The following SLC9A8 variants were observed in gnomAD, a reference collection of about 807,000 sequenced individuals.
The protein encoded by SLC9A8 is sodium/hydrogen exchanger 8.
Under a neutral mutation model 66.6 loss-of-function variants are expected in SLC9A8, and 48 were observed. That is an observed-to-expected ratio of 0.72 (90% confidence interval 0.57 to 0.92). The LOEUF (loss-of-function observed/expected upper bound fraction) is 0.92. Ranked by LOEUF, SLC9A8 falls within the 40% of genes least tolerant of loss-of-function variation. The pLI, the probability that SLC9A8 is intolerant of heterozygous loss-of-function variation, is 0.00. For synonymous variants in SLC9A8, 274 were observed against 282.6 expected (o/e 0.97, Z 0.31); for missense variants, 599 against 747.3 (o/e 0.80, Z 2.31).
intron 6 of SLC9A8, 132 bp from the exon 7 acceptor site, chr20:49,850,678 C>A: frequency 8.8e-7 from 1 of 1,131,750 alleles, no homozygotes; most frequent in Non-Finnish European, 1.2e-6. Flanking sequence ...TTTTATTTTT[C>A]AAGTGGTTTG....
intron 5 of SLC9A8, 76 bp from the exon 6 acceptor site, chr20:49,849,503 C>A: frequency 9.1e-7 from 1 of 1,096,740 alleles, no homozygotes; most frequent in Non-Finnish European, 1.4e-6. Flanking sequence ...CACGGAGGGC[C>A]AGGTGTGCAG....
chr20:49,861,490 C>T (rs2088732730), intron 8 of SLC9A8, among the ~76,000 whole-genome samples: 1 of 152,132 alleles, frequency 6.6e-6, no homozygotes, highest in Admixed American at 6.5e-5. Context: ...TTGCAGTGAG[C>T]TGAGATCATG....
In SLC9A8 at chr20:49,873,709, T is replaced by C. The variant is rs145054550; in HGVS notation, c.959-996T>C. On this transcript the variant is annotated intron_variant, in intron 10 of 15. Coordinates refer to ENST00000361573, the MANE Select transcript of SLC9A8 (RefSeq NM_015266.3). ...TTGCTTGAACCCAGGAGGGGGAGGT[T>C]GCAGTGAGTCGATTTCACGCTATTG... Among the ~76,000 whole-genome samples, 182 of 142,484 alleles carry C rather than the reference T, an allele frequency of 1.3e-3. 1 individual carries two copies. Among genetic ancestry groups the C allele is most frequent in the Non-Finnish European group, 2.3e-3 (151 of 66,484 alleles). The allele number at this position is 142,484 out of a possible 152,430, so 93.5% of individuals were successfully genotyped here.
Position 49,874,154 on chromosome 20 carries a change from C to T in SLC9A8, c.959-551C>T, listed in dbSNP as rs1327036326. Among the ~76,000 whole-genome samples the T allele has an allele frequency of 4.6e-5, 7 of 151,580 alleles. No homozygotes were observed. The South Asian group carries it at 1.0e-3, about 23-fold the overall frequency. On this transcript the variant is annotated intron_variant, in intron 10 of 15. Coordinates refer to ENST00000361573, the MANE Select transcript of SLC9A8 (RefSeq NM_015266.3). ...TAGTAGTCCCAGCTACTCAGGAGGC[C>T]GAGGCAGGAGGATCACATAAACCTG...
chr20:49,833,015 C>T (rs763418248), intron 3 of SLC9A8, among the ~76,000 whole-genome samples: 4 of 152,058 alleles, frequency 2.6e-5, no homozygotes, highest in Non-Finnish European at 5.9e-5. Context: ...AAGCGATTCT[C>T]CCACCTCAGC....
intron 1 of SLC9A8, 117 bp from the exon 2 acceptor site, chr20:49,814,891 T>TAGG (rs2146428237): frequency 2.6e-6 from 2 of 779,756 alleles, no homozygotes; most frequent in East Asian, 6.3e-5. Flanking sequence ...GCCTGCCTGT[T>TAGG]AAAGACTTCT....
intron 2 of SLC9A8, among the ~76,000 whole-genome samples, chr20:49,822,022 T>A (rs1332761190): frequency 1.3e-5 from 2 of 152,164 alleles, no homozygotes; most frequent in Non-Finnish European, 2.9e-5. Flanking sequence ...TCTAGAAGCC[T>A]CAGTTTTCTG....
At position 49,862,878 on chromosome 20, in the gene SLC9A8, A is replaced by G. The variant is rs373010175; in HGVS notation, c.714-51A>G. The G allele has an allele frequency of 1.1e-5, 16 of 1,409,438 alleles. 1 individual carries two copies. The East Asian group carries it at 1.2e-4, about 10-fold the overall frequency. 87.3% of individuals were successfully genotyped at this position (1,409,438 alleles called of 1,614,324 possible). On this transcript the variant is annotated intron_variant, in intron 8 of 15. Coordinates refer to ENST00000361573, the MANE Select transcript of SLC9A8 (RefSeq NM_015266.3). The stretch of plus-strand genomic sequence containing the variant: ...AAATGTTTTAAGTTAATTTCTAAGA[A>G]CTTTGTGTATATAACATTTTAATTT...
Position 49,883,853 on chromosome 20 carries a change from G to A in SLC9A8, c.1278G>A (p.Arg426=), listed in dbSNP as rs1214759120. Residue 426 remains arginine (R), a synonymous_variant, in exon 14 of 16, where the codon CGG becomes CGA. Transcript: ENST00000361573. The part of the protein sequence containing the change: ...MMFIMWFSGL[R]GAIPYALSLH... ...CTGTTTGCTGTCACCCAGGCCTGCG[G>A]GGAGCCATCCCCTATGCCCTGAGCC... 6.2e-7 allele frequency: 1 copy of A among 1,605,646 alleles called. No individual in the cohort carries two copies. Among genetic ancestry groups the A allele is most frequent in the Non-Finnish European group, 8.5e-7 (1 of 1,179,514 alleles).
At chr20:49,868,170 G>A (rs550809844) in intron 10 of SLC9A8, among the ~76,000 whole-genome samples, 1 of 152,340 alleles carries the variant, frequency 6.6e-6, no homozygotes, top group East Asian at 1.9e-4. Flanking sequence ...TGGCAAAGAT[G>A]TGTTTCATGC....
At chr20:49,823,358 C>G (rs2086810059) in intron 3 of SLC9A8, among the ~76,000 whole-genome samples, 1 of 152,078 alleles carries the variant, frequency 6.6e-6, no homozygotes, top group Non-Finnish European at 1.5e-5. Context: ...ATGTAGAAGC[C>G]CAAAGGCCAT....
chr20:49,838,644 G>C (rs1009708735), intron 3 of SLC9A8, among the ~76,000 whole-genome samples: 1 of 152,104 alleles, frequency 6.6e-6, no homozygotes, highest in Non-Finnish European at 1.5e-5. Context: ...TGCCCACCCA[G>C]TAAGCTGTGC....
At chr20:49,868,268 A>G (rs781497159) in intron 10 of SLC9A8, among the ~76,000 whole-genome samples, 16 of 152,054 alleles carry the variant, frequency 1.1e-4, no homozygotes, top group Admixed American at 7.2e-4. Context: ...GAGGGGTTTC[A>G]TTTCCTTAGG....
chr20:49,817,630 A>C (rs2146442959), intron 2 of SLC9A8, among the ~76,000 whole-genome samples: 1 of 152,278 alleles, frequency 6.6e-6, no homozygotes, highest in Admixed American at 6.5e-5. Flanking sequence ...CTGTCTCCAC[A>C]AAAAATAAAA....
chr20:49,844,401 T>C (rs2087892491), intron 4 of SLC9A8, among the ~76,000 whole-genome samples: 1 of 152,072 alleles, frequency 6.6e-6, no homozygotes, highest in Admixed American at 6.5e-5. Flanking sequence ...AATTGAAATT[T>C]TCTGTATTCA....
intron 10 of SLC9A8, among the ~76,000 whole-genome samples, chr20:49,870,396 C>A (rs2069705792): frequency 6.6e-6 from 1 of 152,152 alleles, no homozygotes; most frequent in South Asian, 2.1e-4. Context: ...GGCACTGGAG[C>A]CCAGACCTGT....
chr20:49,820,254 T>C (rs1447839983), intron 2 of SLC9A8, among the ~76,000 whole-genome samples: 4 of 152,172 alleles, frequency 2.6e-5, no homozygotes, highest in Middle Eastern at 3.4e-3. Flanking sequence ...TTTGGGAGGC[T>C]GAGGCGGGAA....
chr20:49,863,137 C>CAG, intron 9 of SLC9A8, 70 bp downstream of exon 9: 1 of 1,405,604 alleles, frequency 7.1e-7, no homozygotes, highest in Non-Finnish European at 9.5e-7. Flanking sequence ...TAGCCAGTTT[C>CAG]TCCTGTTTTT....
intron 8 of SLC9A8, among the ~76,000 whole-genome samples, chr20:49,856,995 G>A (rs190089923): frequency 6.6e-6 from 1 of 152,252 alleles, no homozygotes. Flanking sequence ...ATGCATTTCA[G>A]ATAATCTCAA....
Sources: gnomAD v4.1 joint callset for allele counts (sites outside exome capture counted in the v4.1 genomes callset) on GRCh38, gnomAD v4.1.1 for gene constraint, MANE v1.5 for transcripts, NCBI Gene and HGNC (gene_info 2026-07-23, HGNC 2026-07-21) for gene names.